UNC5D: variants seen among roughly 807,000 people sequenced by gnomAD.
UNC5D encodes unc-5 netrin receptor D, also known as netrin receptor UNC5D.
Under a neutral mutation model 105.4 loss-of-function variants are expected in UNC5D, and 39 were observed. The observed-to-expected ratio is 0.37, with a 90% CI of 0.29 to 0.48. The LOEUF is 0.48. UNC5D is among the 20% of genes least tolerant of loss of function. The pLI, the probability that UNC5D is intolerant of heterozygous loss-of-function variation, is 0.98. For missense variants in UNC5D, 991 were observed against 1,202.4 expected (o/e 0.82, Z 2.60); for synonymous variants, 452 against 450.4 (o/e 1.00, Z -0.04).
At chr8:35,498,623 T>C (rs115863219) in intron 1 of UNC5D, among the ~76,000 whole-genome samples, 114 of 152,160 alleles carry the variant, frequency 7.5e-4, no homozygotes, top group African/African-American at 2.7e-3. Context: ...TATGGGTAGA[T>C]TTATGTTGGT....
chr8:35,701,566 G>C (rs1410230018), intron 7 of UNC5D, among the ~76,000 whole-genome samples: 1 of 152,110 alleles, frequency 6.6e-6, no homozygotes, highest in Non-Finnish European at 1.5e-5. Flanking sequence ...GAAATTAAAG[G>C]TGAAAAAGAA....
At chr8:35,790,289 T>C (rs530885615) in intron 16 of UNC5D, 70 bp from the exon 17 acceptor site, 4 of 1,472,498 alleles carry the variant, frequency 2.7e-6, no homozygotes, top group South Asian at 2.3e-5. Context: ...AATTCTCTTA[T>C]GGTGATCAGT....
intron 4 of UNC5D, among the ~76,000 whole-genome samples, chr8:35,617,958 C>G (rs1429573629): frequency 6.6e-6 from 1 of 152,176 alleles, no homozygotes; most frequent in African/African-American, 2.4e-5. Flanking sequence ...TAATCATGTG[C>G]AATATTTCTC....
intron 1 of UNC5D, among the ~76,000 whole-genome samples, chr8:35,399,959 TA>T (rs896277652): frequency 1.3e-5 from 2 of 152,100 alleles, no homozygotes; most frequent in Admixed American, 6.5e-5. Context: ...TCCCTGGTGA[TA>T]AAAAAACAGC....
intron 1 of UNC5D, among the ~76,000 whole-genome samples, chr8:35,296,880 A>G (rs1447069708): frequency 6.6e-6 from 1 of 152,194 alleles, no homozygotes; most frequent in Non-Finnish European, 1.5e-5. Context: ...CCATATTTTT[A>G]TCCTACATTC....
chr8:35,440,852 G>C (rs1807347573), intron 1 of UNC5D, among the ~76,000 whole-genome samples: 1 of 151,912 alleles, frequency 6.6e-6, no homozygotes, highest in South Asian at 2.1e-4. Flanking sequence ...CGTGATTCAT[G>C]TGTTTTCATA....
Position 35,677,633 on chromosome 8 carries a change from C to A in UNC5D, c.571-5914C>A, listed in dbSNP as rs1342226826. ...GACTGATTTCCTCATAAAGATCCTGCCATCAGTTAAATGGATAAACTATTA... is the reference window on the plus strand; with the variant it reads ...GACTGATTTCCTCATAAAGATCCTGACATCAGTTAAATGGATAAACTATTA... On this transcript the variant is annotated intron_variant, in intron 4 of 16. Coordinates refer to ENST00000404895, the MANE Select transcript of UNC5D (RefSeq NM_080872.4). Among the ~76,000 whole-genome samples the A allele has an allele frequency of 7.4e-4, 112 of 152,156 alleles. 2 individuals carry two copies. The highest frequency in any genetic ancestry group is 1.5e-5 in the Non-Finnish European group (1 of 67,998).
intron 1 of UNC5D, among the ~76,000 whole-genome samples, chr8:35,545,229 A>T (rs919587898): frequency 6.6e-6 from 1 of 152,154 alleles, no homozygotes; most frequent in African/African-American, 2.4e-5. Context: ...AAAGTAAATG[A>T]CCTCCTCCCA....
At chr8:35,643,842 A>G (rs1586322676) in intron 4 of UNC5D, among the ~76,000 whole-genome samples, 4 of 152,158 alleles carry the variant, frequency 2.6e-5, no homozygotes, top group Admixed American at 2.6e-4. Context: ...ATTAAGCCCT[A>G]TCAACAAAAC....
intron 1 of UNC5D, among the ~76,000 whole-genome samples, chr8:35,369,547 G>A (rs1355850323): frequency 2.0e-5 from 3 of 152,152 alleles, no homozygotes; most frequent in Non-Finnish European, 2.9e-5. Flanking sequence ...TGAATCTCAT[G>A]TGCCCACAGT....
intron 1 of UNC5D, among the ~76,000 whole-genome samples, chr8:35,440,704 T>C (rs974118491): frequency 6.6e-6 from 1 of 151,980 alleles, no homozygotes; most frequent in African/African-American, 2.4e-5. Context: ...TTAATACATA[T>C]GGAAGCGCTG....
At chr8:35,491,309 A>T (rs1811202182) in intron 1 of UNC5D, among the ~76,000 whole-genome samples, 1 of 152,060 alleles carries the variant, frequency 6.6e-6, no homozygotes, top group Non-Finnish European at 1.5e-5. Flanking sequence ...TATTTTTTTT[A>T]AATAAGCATA....
intron 15 of UNC5D, among the ~76,000 whole-genome samples, chr8:35,773,101 C>T (rs1425052428): frequency 6.6e-6 from 1 of 152,108 alleles, no homozygotes; most frequent in Non-Finnish European, 1.5e-5. Context: ...TGATTAGGGA[C>T]ATTAATTACA....
intron 1 of UNC5D, among the ~76,000 whole-genome samples, chr8:35,326,244 A>G (rs530413060): frequency 4.9e-4 from 74 of 152,320 alleles, no homozygotes; most frequent in African/African-American, 1.7e-3. Flanking sequence ...CAACTCTGGA[A>G]GTGTTACCTG....
chr8:35,551,627 G>T (rs113815828), intron 2 of UNC5D, among the ~76,000 whole-genome samples: 22,620 of 151,946 alleles, frequency 0.15, 2,088 homozygotes, highest in East Asian at 0.26. Context: ...AGCCCAGCCT[G>T]GCCAATATGG....
At chr8:35,284,468 T>C (rs1806438547) in intron 1 of UNC5D, among the ~76,000 whole-genome samples, 1 of 152,220 alleles carries the variant, frequency 6.6e-6, no homozygotes, top group South Asian at 2.1e-4. Flanking sequence ...GTTATCTTTA[T>C]CCATTATCAC....
At chr8:35,639,657 T>A (rs1822588844) in intron 4 of UNC5D, among the ~76,000 whole-genome samples, 1 of 152,156 alleles carries the variant, frequency 6.6e-6, no homozygotes, top group Non-Finnish European at 1.5e-5. Flanking sequence ...AATATTGATA[T>A]AAATTCTGGA....
intron 15 of UNC5D, among the ~76,000 whole-genome samples, chr8:35,767,678 T>C (rs1272271762): frequency 6.6e-6 from 1 of 152,092 alleles, no homozygotes; most frequent in Non-Finnish European, 1.5e-5. Flanking sequence ...GGTAAGGAAA[T>C]AGAAGTGCAA....
At chr8:35,402,926 T>C (rs1056894119) in intron 1 of UNC5D, among the ~76,000 whole-genome samples, 8 of 152,112 alleles carry the variant, frequency 5.3e-5, no homozygotes, top group African/African-American at 1.9e-4. Context: ...GCTGCCCCAC[T>C]CTTGGAAAGC....
Sources: gnomAD v4.1 joint callset for allele counts (sites outside exome capture counted in the v4.1 genomes callset) on GRCh38, gnomAD v4.1.1 for gene constraint, MANE v1.5 for transcripts, NCBI Gene and HGNC (gene_info 2026-07-23, HGNC 2026-07-21) for gene names.